The following NGEF variants were observed in gnomAD, a reference collection of about 807,000 sequenced individuals.
The protein encoded by NGEF is neuronal guanine nucleotide exchange factor.
A neutral mutation model predicts 80.9 loss-of-function variants in NGEF; 31 were observed. The ratio of observed to expected loss-of-function variants is 0.38; its 90% CI spans 0.29 to 0.52. The LOEUF (loss-of-function observed/expected upper bound fraction) is 0.52. Among genes scored for constraint, NGEF ranks in the 20% least tolerant of loss-of-function variants. The pLI is 0.84. For synonymous variants in NGEF, 371 were observed against 370.2 expected (o/e 1.00, Z -0.03); for missense variants, 709 against 926.2 (o/e 0.77, Z 3.04).
intron 1 of NGEF, among the ~76,000 whole-genome samples, chr2:233,006,623 CT>C (rs1218165054): frequency 6.6e-6 from 1 of 152,168 alleles, no homozygotes; most frequent in Non-Finnish European, 1.5e-5. Context: ...TGAAAGTTAA[CT>C]GTTGTATTGG....
intron 1 of NGEF, among the ~76,000 whole-genome samples, chr2:232,993,171 TATATAA>T (rs1483545209): frequency 1.5e-5 from 2 of 134,622 alleles, no homozygotes; most frequent in African/African-American, 5.8e-5. Flanking sequence ...ATATATTATA[TATATAA>T]ATAAATATAT....
intron 4 of NGEF, among the ~76,000 whole-genome samples, chr2:232,924,313 A>G (rs1312696715): frequency 6.6e-6 from 1 of 152,172 alleles, no homozygotes; most frequent in Non-Finnish European, 1.5e-5. Flanking sequence ...TCCTGTGAGG[A>G]TGCACCAAAG....
intron 1 of NGEF, among the ~76,000 whole-genome samples, chr2:233,006,433 GCAT>G (rs1695085229): frequency 6.6e-6 from 1 of 152,164 alleles, no homozygotes; most frequent in African/African-American, 2.4e-5. Context: ...AGCTTGAATG[GCAT>G]CATCAAAAGA....
In NGEF at chr2:233,002,195, C is replaced by T. The variant is rs181042557; in HGVS notation, c.-75+10873G>A. On this transcript the variant is annotated intron_variant, in intron 1 of 14. Transcript: ENST00000264051. The stretch of plus-strand genomic sequence containing the variant: ...CTGTGAGGTAATTTTAGGAGGGACA[C>T]GAGTCAAACGTTCAAAAAATCAGTA... Among the ~76,000 whole-genome samples, 482 of 151,910 alleles carry T rather than the reference C, an allele frequency of 3.2e-3. 4 individuals carry two copies. The highest frequency in any genetic ancestry group is 0.011 in the African/African-American group (459 of 41,392).
chr2:232,983,901 G>C (rs756019912), intron 1 of NGEF, among the ~76,000 whole-genome samples: 10 of 152,168 alleles, frequency 6.6e-5, no homozygotes, highest in Non-Finnish European at 1.2e-4. Flanking sequence ...TGGGCCCCGA[G>C]TCCGGGCCTC....
At chr2:232,898,942 G>C (rs1305956106) in intron 5 of NGEF, among the ~76,000 whole-genome samples, 2 of 152,096 alleles carry the variant, frequency 1.3e-5, no homozygotes, top group Non-Finnish European at 1.5e-5. Context: ...GTGGCTGTGA[G>C]AGCATGTAAG....
intron 1 of NGEF, among the ~76,000 whole-genome samples, chr2:233,011,105 C>A (rs977258777): frequency 2.6e-5 from 4 of 152,104 alleles, no homozygotes; most frequent in African/African-American, 9.7e-5. Context: ...GGCTGGTGTG[C>A]TCTTTTCACC....
At chr2:232,918,047 G>A (rs1309213267) in intron 5 of NGEF, among the ~76,000 whole-genome samples, 2 of 152,086 alleles carry the variant, frequency 1.3e-5, no homozygotes, top group African/African-American at 4.8e-5. Flanking sequence ...TCTGCCTCCT[G>A]GGTTCAAGGG....
rs143609838 is a variant in NGEF at position 232,922,898 on chromosome 2, C to T, written c.527-2313G>A. On this transcript the variant is annotated intron_variant, in intron 4 of 14. Transcript: ENST00000264051. Reference sequence around the variant, plus strand: ...CAGCCTGGCCAACATGGCCAAACTCCGTCTCTACTAAAAATACAAAAATTA... The same window carrying T: ...CAGCCTGGCCAACATGGCCAAACTCTGTCTCTACTAAAAATACAAAAATTA... Among the ~76,000 whole-genome samples, 319 of 152,064 alleles carry T rather than the reference C, an allele frequency of 2.1e-3. 18 individuals carry two copies. The East Asian group carries it at 0.043, about 21-fold the overall frequency.
chr2:232,950,445 C>G (rs2106305137), intron 3 of NGEF, among the ~76,000 whole-genome samples: 1 of 151,894 alleles, frequency 6.6e-6, no homozygotes, highest in East Asian at 1.9e-4. Context: ...CAGTGGGACC[C>G]CCCACCCCCA....
intron 3 of NGEF, among the ~76,000 whole-genome samples, chr2:232,963,694 A>T (rs1021499476): frequency 6.6e-6 from 1 of 152,100 alleles, no homozygotes; most frequent in Non-Finnish European, 1.5e-5. Flanking sequence ...GGAGTCTGTA[A>T]TTCCAGCGAC....
At chr2:232,993,890 T>C (rs764652226) in intron 1 of NGEF, among the ~76,000 whole-genome samples, 6 of 151,956 alleles carry the variant, frequency 3.9e-5, no homozygotes, top group Non-Finnish European at 7.4e-5. Context: ...TGAAAGCAGA[T>C]GAATGGTTGC....
At position 232,932,163 on chromosome 2, in the gene NGEF, C is replaced by CTTTTTTTTTT. The variant is rs397988249; in HGVS notation, c.384-4987_384-4978dup. Among the ~76,000 whole-genome samples the CTTTTTTTTTT allele has an allele frequency of 9.4e-4, 109 of 115,558 alleles. 2 individuals are homozygous for CTTTTTTTTTT. Among genetic ancestry groups the CTTTTTTTTTT allele is most frequent in the Non-Finnish European group, 1.5e-3 (88 of 58,806 alleles). 75.8% of individuals were successfully genotyped at this position (115,558 alleles called of 152,430 possible). ...ATGAGTTCTCTCCAGAATCACCTTT[C>CTTTTTTTTTT]TTTTTTTTTTTTTTTTTTTGAGACA... On this transcript the variant is annotated intron_variant, in intron 3 of 14. Coordinates refer to ENST00000264051, the MANE Select transcript of NGEF (RefSeq NM_019850.3).
chr2:232,904,449 G>A (rs577476935), intron 5 of NGEF, among the ~76,000 whole-genome samples: 2 of 152,280 alleles, frequency 1.3e-5, no homozygotes, highest in Admixed American at 6.5e-5. Context: ...GGCTGGTCTC[G>A]AACTCCTGAC....
In NGEF at chr2:232,928,111, C is replaced by A. The variant is rs1185780627; in HGVS notation, c.384-925G>T. 5 of 1,036,934 alleles carry A rather than the reference C, an allele frequency of 4.8e-6. No homozygotes were observed. The African/African-American group carries it at 6.9e-5, about 14-fold the overall frequency. 64.2% of individuals were successfully genotyped at this position (1,036,934 alleles called of 1,614,324 possible). On this transcript the variant is annotated intron_variant, in intron 3 of 14. Coordinates refer to ENST00000264051, the MANE Select transcript of NGEF (RefSeq NM_019850.3). Reference sequence around the variant, plus strand: ...GAGCGGGGTCGCAGCGCGCGCGGCTCGACCGGAGCTGCAGCCGCCGCCGCC... The same window carrying A: ...GAGCGGGGTCGCAGCGCGCGCGGCTAGACCGGAGCTGCAGCCGCCGCCGCC...
intron 3 of NGEF, among the ~76,000 whole-genome samples, chr2:232,966,801 G>T (rs562334256): frequency 6.6e-6 from 1 of 152,190 alleles, no homozygotes; most frequent in South Asian, 2.1e-4. Context: ...CTGGCTTTGG[G>T]TCCGGGTTGT....
chr2:232,980,911 G>A (rs1051342939), intron 1 of NGEF, among the ~76,000 whole-genome samples: 1 of 152,090 alleles, frequency 6.6e-6, no homozygotes, highest in African/African-American at 2.4e-5. Context: ...GGCGAGAGCA[G>A]CGGCCCTTGC....
chr2:232,970,132 G>C, intron 3 of NGEF, 82 bp downstream of exon 3: 1 of 688,952 alleles, frequency 1.5e-6, no homozygotes, highest in South Asian at 2.7e-5. Flanking sequence ...TGACACCCTC[G>C]TAACCCTGTC....
At chr2:232,955,042 A>C (rs994792949) in intron 3 of NGEF, among the ~76,000 whole-genome samples, 1 of 152,194 alleles carries the variant, frequency 6.6e-6, no homozygotes, top group African/African-American at 2.4e-5. Flanking sequence ...CCCCAACTTA[A>C]GATGAGGACA....
Sources: gnomAD v4.1 joint callset for allele counts (sites outside exome capture counted in the v4.1 genomes callset) on GRCh38, gnomAD v4.1.1 for gene constraint, MANE v1.5 for transcripts, NCBI Gene and HGNC (gene_info 2026-07-23, HGNC 2026-07-21) for gene names.